Variants in BLTP1 observed in about 807,000 individuals in gnomAD.
BLTP1 encodes bridge-like lipid transfer protein family member 1.
the BLTP1 span, among the ~76,000 whole-genome samples, chr4:122,232,812 C>G: frequency 6.6e-6 from 1 of 152,086 alleles, no homozygotes; most frequent in South Asian, 2.1e-4. Context: ...ATAGCCTGGA[C>G]AGAGCTTGCA....
the BLTP1 span, among the ~76,000 whole-genome samples, chr4:122,253,803 G>A: frequency 6.6e-6 from 1 of 152,064 alleles, no homozygotes; most frequent in Non-Finnish European, 1.5e-5. Context: ...AGAAGGTAGA[G>A]AATACCGAGC....
chr4:122,349,025 A>G, the BLTP1 span: 1 of 720,724 alleles, frequency 1.4e-6, no homozygotes, highest in Non-Finnish European at 2.1e-6. This position sits in a 1 kb window ranked among gnomAD's most constrained non-coding sequence, Gnocchi z 4.5. Flanking sequence ...CACAGTTTTT[A>G]TATAAAGTAT....
the BLTP1 span, chr4:122,271,109 G>A: frequency 9.0e-5 from 146 of 1,613,842 alleles, 2 homozygotes; most frequent in Middle Eastern, 4.9e-4. Flanking sequence ...GGAAAAGTCC[G>A]TGTGCACCCC....
chr4:122,356,207 TTC>T, the BLTP1 span, among the ~76,000 whole-genome samples: 2 of 152,192 alleles, frequency 1.3e-5, no homozygotes, highest in East Asian at 3.9e-4. Flanking sequence ...ATAATTGGAC[TTC>T]ATTTATAGGA....
chr4:122,271,482 G>A, the BLTP1 span: 9 of 1,613,484 alleles, frequency 5.6e-6, no homozygotes, highest in East Asian at 2.2e-5. Flanking sequence ...AAGGAATCTC[G>A]AAACAAGAAT....
At chr4:122,206,298 C>T in the BLTP1 span, among the ~76,000 whole-genome samples, 4 of 151,460 alleles carry the variant, frequency 2.6e-5, no homozygotes, top group African/African-American at 7.3e-5. Flanking sequence ...TCAGTGAAAG[C>T]GAGATACCAT....
the BLTP1 span, chr4:122,289,227 G>C: frequency 3.5e-6 from 5 of 1,433,754 alleles, no homozygotes; most frequent in Admixed American, 5.7e-5. Context: ...TATAGGTGTA[G>C]GTTTTTATTC....
chr4:122,236,879 C>T, the BLTP1 span: 8 of 963,608 alleles, frequency 8.3e-6, no homozygotes, highest in Non-Finnish European at 9.6e-6. Context: ...TGGAAATAAC[C>T]CCTACATACG....
the BLTP1 span, chr4:122,298,137 A>G: frequency 8.9e-3 from 6,359 of 714,242 alleles, 40 homozygotes; most frequent in South Asian, 0.044. Context: ...TATTTTCTTC[A>G]GATTTGTTTT....
chr4:122,158,639 C>T, the BLTP1 span, among the ~76,000 whole-genome samples: 3 of 151,958 alleles, frequency 2.0e-5, no homozygotes, highest in Admixed American at 1.3e-4. Flanking sequence ...GGCGTGGTGG[C>T]GGGCACCTGT....
At chr4:122,354,945 A>G in the BLTP1 span, among the ~76,000 whole-genome samples, 1 of 152,108 alleles carries the variant, frequency 6.6e-6, no homozygotes, top group South Asian at 2.1e-4. Flanking sequence ...GATTACAGGC[A>G]TGAGCCACCA....
At chr4:122,170,072 C>T in the BLTP1 span, 10 of 801,528 alleles carry the variant, frequency 1.2e-5, no homozygotes, top group African/African-American at 1.9e-5. Flanking sequence ...TTTGGGAGGT[C>T]GAGGCAGGCG....
the BLTP1 span, among the ~76,000 whole-genome samples, chr4:122,222,496 G>T: frequency 0.036 from 5,462 of 152,210 alleles, 346 homozygotes; most frequent in African/African-American, 0.12. Context: ...TGACATAAAA[G>T]AACAGAAATT....
At chr4:122,346,859 T>C in the BLTP1 span, 9 of 1,520,532 alleles carry the variant, frequency 5.9e-6, no homozygotes, top group East Asian at 1.6e-4. Flanking sequence ...TACCATGTGA[T>C]GCGTTCAGTC....
chr4:122,250,333 A>G, the BLTP1 span: 1 of 1,565,894 alleles, frequency 6.4e-7, no homozygotes, highest in Non-Finnish European at 8.8e-7. Flanking sequence ...TTCACCATTT[A>G]TAATAAATGC....
chr4:122,193,607 AG>A, the BLTP1 span: 1 of 668,394 alleles, frequency 1.5e-6, no homozygotes, highest in Non-Finnish European at 1.8e-6. Context: ...ATTAAATATG[AG>A]GGAGCATCTA....
chr4:122,194,668 T>G, the BLTP1 span: 1 of 928,690 alleles, frequency 1.1e-6, no homozygotes, highest in Non-Finnish European at 1.3e-6. Context: ...TGAAGTGTGT[T>G]TGCATTTTTT....
the BLTP1 span, chr4:122,248,118 A>G: frequency 1.0e-6 from 1 of 985,174 alleles, no homozygotes; most frequent in Non-Finnish European, 1.2e-6. Flanking sequence ...GACTTTCTCA[A>G]GGCTTATTTT....
chr4:122,171,470 A>G, the BLTP1 span, among the ~76,000 whole-genome samples: 1 of 152,056 alleles, frequency 6.6e-6, no homozygotes, highest in Non-Finnish European at 1.5e-5. Flanking sequence ...AACAAAGGGT[A>G]ATGATAATAT....
Sources: allele counts gnomAD v4.1 joint callset (sites outside exome capture counted in the v4.1 genomes callset), GRCh38; gene constraint gnomAD v4.1.1; non-coding constraint Gnocchi (gnomAD v3.1); transcripts MANE v1.5; gene names NCBI Gene and HGNC (gene_info 2026-07-23, HGNC 2026-07-21).